Variants in GAB1 observed in about 807,000 individuals in gnomAD.
GAB1 encodes the protein GRB2-associated-binding protein 1.
In GAB1, 19 loss-of-function variants were observed where a neutral mutation model predicts 66.5. The ratio of observed to expected loss-of-function variants is 0.29; its 90% CI spans 0.20 to 0.42. GAB1 has a LOEUF of 0.42. GAB1 is among the 10% of genes least tolerant of loss of function. The pLI is 1.00. For missense variants in GAB1, 732 were observed against 858.5 expected (o/e 0.85, Z 1.84); for synonymous variants, 294 against 301.4 (o/e 0.98, Z 0.25).
chr4:143,344,799 T>C lies in GAB1; in HGVS notation c.72+7539T>C, dbSNP rs1728937946. ...TAACTGGAAAAAAGAATCATTTCTCTTTTAAGCAATTCACTTATTCATAGG... is the reference window on the plus strand; with the variant it reads ...TAACTGGAAAAAAGAATCATTTCTCCTTTAAGCAATTCACTTATTCATAGG... On this transcript the variant is annotated intron_variant, in intron 1 of 9. Coordinates refer to ENST00000262994, the MANE Select transcript of GAB1 (RefSeq NM_002039.4). Among the ~76,000 whole-genome samples the C allele has an allele frequency of 2.0e-5, 3 of 152,254 alleles. No homozygotes were observed. In the South Asian group the frequency reaches 6.2e-4, roughly 31 times the overall value.
chr4:143,360,357 A>T (rs1435790131), intron 1 of GAB1, among the ~76,000 whole-genome samples: 2 of 152,348 alleles, frequency 1.3e-5, no homozygotes, highest in East Asian at 3.9e-4. Flanking sequence ...GAGATAAAAA[A>T]TACTTTGTTT....
At chr4:143,456,173 C>T (rs563641929) in intron 6 of GAB1, among the ~76,000 whole-genome samples, 1 of 152,180 alleles carries the variant, frequency 6.6e-6, no homozygotes, top group Admixed American at 6.5e-5. Context: ...AAGTTGTCAT[C>T]GTAGCCGGGC....
intron 7 of GAB1, among the ~76,000 whole-genome samples, chr4:143,460,084 A>T (rs1317380306): frequency 6.6e-6 from 1 of 152,050 alleles, no homozygotes; most frequent in Non-Finnish European, 1.5e-5. Context: ...CTTCCATTTT[A>T]TATCTGTAAC....
At chr4:143,417,511 G>A (rs1253432904) in intron 2 of GAB1, 9 of 338,200 alleles carry the variant, frequency 2.7e-5, no homozygotes, top group South Asian at 4.7e-5. Context: ...AGGTTCAAGC[G>A]ATTCTCGTGC....
chr4:143,374,072 C>T (rs1452728579), intron 1 of GAB1, among the ~76,000 whole-genome samples: 1 of 151,330 alleles, frequency 6.6e-6, no homozygotes, highest in African/African-American at 2.4e-5. Flanking sequence ...GAGTATTGAC[C>T]TCATTCTTCC....
chr4:143,461,547 G>A (rs993731026), intron 8 of GAB1, among the ~76,000 whole-genome samples: 4 of 152,188 alleles, frequency 2.6e-5, no homozygotes, highest in South Asian at 2.1e-4. Flanking sequence ...ACAGTACCTC[G>A]AAACTGCTTT....
chr4:143,407,807 C>T (rs958254673), intron 1 of GAB1, among the ~76,000 whole-genome samples: 2 of 152,018 alleles, frequency 1.3e-5, no homozygotes, highest in Non-Finnish European at 2.9e-5. Context: ...AAATGGTTTT[C>T]CTTTGTCCCT....
chr4:143,403,086 AATCT>A (rs1731858417), intron 1 of GAB1, among the ~76,000 whole-genome samples: 1 of 152,254 alleles, frequency 6.6e-6, no homozygotes, highest in African/African-American at 2.4e-5. Context: ...TGGTCTATCT[AATCT>A]ATCTATATGG....
At chr4:143,429,606 A>G (rs1733544856) in intron 2 of GAB1, among the ~76,000 whole-genome samples, 1 of 152,114 alleles carries the variant, frequency 6.6e-6, no homozygotes, top group South Asian at 2.1e-4. Flanking sequence ...ACCACAGGTT[A>G]GGAACCCTGT....
intron 6 of GAB1, among the ~76,000 whole-genome samples, chr4:143,450,412 A>G (rs1236042328): frequency 2.0e-5 from 3 of 152,224 alleles, no homozygotes; most frequent in South Asian, 2.1e-4. Flanking sequence ...AGCCTGTAAT[A>G]ATACAGAAAA....
chr4:143,453,800 G>A (rs1273428564), intron 6 of GAB1, among the ~76,000 whole-genome samples: 2 of 152,136 alleles, frequency 1.3e-5, no homozygotes, highest in Non-Finnish European at 2.9e-5. Context: ...GTCATCATCT[G>A]TGTGACTCTG....
intron 1 of GAB1, among the ~76,000 whole-genome samples, chr4:143,346,863 T>C (rs999237856): frequency 6.6e-6 from 1 of 152,226 alleles, no homozygotes; most frequent in Non-Finnish European, 1.5e-5. Flanking sequence ...GAGTAATCTT[T>C]GCTGGGTATG....
At chr4:143,451,645 T>C (rs933402032) in intron 6 of GAB1, among the ~76,000 whole-genome samples, 3 of 152,192 alleles carry the variant, frequency 2.0e-5, no homozygotes, top group African/African-American at 4.8e-5. Context: ...TAAAATGTTA[T>C]AAAAATCACT....
At chr4:143,463,135 G>A (rs1181042651) in intron 8 of GAB1, among the ~76,000 whole-genome samples, 3 of 152,058 alleles carry the variant, frequency 2.0e-5, no homozygotes, top group Non-Finnish European at 4.4e-5. Flanking sequence ...CCTTAGAAAA[G>A]AATATGAGAA....
chr4:143,422,247 G>A (rs1282532495), intron 2 of GAB1, among the ~76,000 whole-genome samples: 1 of 152,098 alleles, frequency 6.6e-6, no homozygotes, highest in East Asian at 1.9e-4. Context: ...AAGCACACCA[G>A]ATAAATCATT....
chr4:143,403,889 T>C (rs1731905514), intron 1 of GAB1, among the ~76,000 whole-genome samples: 1 of 152,222 alleles, frequency 6.6e-6, no homozygotes, highest in African/African-American at 2.4e-5. Flanking sequence ...TCTGGAAGCT[T>C]TAGACTGAGA....
chr4:143,436,499 A>C (rs1733948855), intron 3 of GAB1, among the ~76,000 whole-genome samples: 1 of 152,190 alleles, frequency 6.6e-6, no homozygotes, highest in Non-Finnish European at 1.5e-5. Context: ...CAGACAGTAG[A>C]GGAAATTCCA....
chr4:143,355,428 A>G (rs1342586035), intron 1 of GAB1, among the ~76,000 whole-genome samples: 6 of 86,454 alleles, frequency 6.9e-5, no homozygotes, highest in African/African-American at 3.3e-4. Context: ...TTGTGTTTAA[A>G]ACAAAACAAC....
chr4:143,347,368 T>C (rs967688811), intron 1 of GAB1, among the ~76,000 whole-genome samples: 5 of 152,248 alleles, frequency 3.3e-5, no homozygotes, highest in African/African-American at 1.2e-4. Context: ...TGATTTGCAT[T>C]ACAAAAACAA....
Sources: allele counts gnomAD v4.1 joint callset (sites outside exome capture counted in the v4.1 genomes callset), GRCh38; gene constraint gnomAD v4.1.1; transcripts MANE v1.5; gene names NCBI Gene and HGNC (gene_info 2026-07-23, HGNC 2026-07-21).